The following AKR1C8 variants were observed in gnomAD, a reference collection of about 807,000 sequenced individuals.
AKR1C8 encodes the protein aldo-keto reductase family 1 member C-like protein 1.
At chr10:5,176,631 G>C in the AKR1C8 span, among the ~76,000 whole-genome samples, 12 of 152,024 alleles carry the variant, frequency 7.9e-5, no homozygotes, top group East Asian at 1.7e-3. Context: ...TCTTCCATTT[G>C]TTTGTATCCT....
the AKR1C8 span, among the ~76,000 whole-genome samples, chr10:5,148,205 AGT>A: frequency 6.6e-6 from 1 of 152,088 alleles, no homozygotes; most frequent in Non-Finnish European, 1.5e-5. Flanking sequence ...AATGCTCAGT[AGT>A]ATAGGAGATA....
chr10:5,175,920 C>T, the AKR1C8 span, among the ~76,000 whole-genome samples: 66 of 152,134 alleles, frequency 4.3e-4, no homozygotes, highest in East Asian at 2.5e-3. Flanking sequence ...TCTCCCATTT[C>T]GTAGGTTGCC....
chr10:5,181,541 G>A, the AKR1C8 span, among the ~76,000 whole-genome samples: 1 of 151,986 alleles, frequency 6.6e-6, no homozygotes, highest in African/African-American at 2.4e-5. Flanking sequence ...TACTACAGAA[G>A]GCCCCTAAAA....
At chr10:5,173,313 G>A in the AKR1C8 span, among the ~76,000 whole-genome samples, 14 of 151,964 alleles carry the variant, frequency 9.2e-5, no homozygotes, top group Admixed American at 8.5e-4. Flanking sequence ...ATGGAGAAAG[G>A]GACATGAATG....
the AKR1C8 span, among the ~76,000 whole-genome samples, chr10:5,176,618 T>C: frequency 6.6e-6 from 1 of 151,994 alleles, no homozygotes; most frequent in South Asian, 2.1e-4. Flanking sequence ...GAGCATGGAA[T>C]GTTCTTCCAT....
chr10:5,145,393 A>G, the AKR1C8 span, among the ~76,000 whole-genome samples: 6 of 152,296 alleles, frequency 3.9e-5, no homozygotes, highest in South Asian at 2.1e-4. Flanking sequence ...AGAAACTACC[A>G]TCAGAGTGAA....
At chr10:5,179,673 C>CATTTA in the AKR1C8 span, among the ~76,000 whole-genome samples, 2 of 148,300 alleles carry the variant, frequency 1.3e-5, no homozygotes, top group Non-Finnish European at 3.0e-5. Flanking sequence ...AGGCTTTGTT[C>CATTTA]TTTTTATTCT....
At chr10:5,151,346 G>C in the AKR1C8 span, among the ~76,000 whole-genome samples, 6 of 152,094 alleles carry the variant, frequency 3.9e-5, no homozygotes, top group African/African-American at 1.4e-4. Flanking sequence ...TCCCCAGGCA[G>C]GAAAGGGTTT....
At chr10:5,153,796 G>T in the AKR1C8 span, among the ~76,000 whole-genome samples, 1 of 152,164 alleles carries the variant, frequency 6.6e-6, no homozygotes, top group Non-Finnish European at 1.5e-5. Flanking sequence ...CAATACTGGA[G>T]ATTATCATTG....
the AKR1C8 span, among the ~76,000 whole-genome samples, chr10:5,168,775 C>T: frequency 2.6e-5 from 4 of 152,044 alleles, no homozygotes; most frequent in Non-Finnish European, 5.9e-5. Flanking sequence ...TTCCCAATAA[C>T]AAGAGAGCCA....
At chr10:5,120,467 A>T in the AKR1C8 span, among the ~76,000 whole-genome samples, 1 of 152,090 alleles carries the variant, frequency 6.6e-6, no homozygotes, top group East Asian at 1.9e-4. Flanking sequence ...TAATAGTAGT[A>T]TTATTTGTTT....
chr10:5,160,473 C>A, the AKR1C8 span, among the ~76,000 whole-genome samples: 3 of 152,178 alleles, frequency 2.0e-5, no homozygotes, highest in African/African-American at 7.2e-5. Flanking sequence ...CAGTCCGCAG[C>A]TGTCCCTCCT....
the AKR1C8 span, chr10:5,123,670 C>T: frequency 6.5e-7 from 1 of 1,547,240 alleles, no homozygotes; most frequent in Non-Finnish European, 8.8e-7. Flanking sequence ...AATACTTCAT[C>T]AAAATGGCAT....
At chr10:5,117,839 A>G in the AKR1C8 span, among the ~76,000 whole-genome samples, 1 of 152,178 alleles carries the variant, frequency 6.6e-6, no homozygotes, top group South Asian at 2.1e-4. Flanking sequence ...GCCAGAATTC[A>G]CTTGTTACTG....
the AKR1C8 span, among the ~76,000 whole-genome samples, chr10:5,164,807 G>A: frequency 2.0e-5 from 3 of 152,160 alleles, no homozygotes; most frequent in African/African-American, 7.2e-5. Context: ...ACATCTCAGT[G>A]TTATCTGAAG....
At chr10:5,119,619 G>T in the AKR1C8 span, among the ~76,000 whole-genome samples, 2 of 151,916 alleles carry the variant, frequency 1.3e-5, no homozygotes, top group Non-Finnish European at 2.9e-5. Flanking sequence ...TCAAATCTTT[G>T]TTATTTCATA....
the AKR1C8 span, chr10:5,161,814 A>C: frequency 3.7e-6 from 2 of 534,660 alleles, no homozygotes; most frequent in Non-Finnish European, 7.7e-6. Flanking sequence ...TATAACCATG[A>C]TGAAACAGTC....
chr10:5,142,516 A>C, the AKR1C8 span, among the ~76,000 whole-genome samples: 4 of 152,154 alleles, frequency 2.6e-5, no homozygotes, highest in Non-Finnish European at 2.9e-5. Flanking sequence ...AATGAAAAAT[A>C]CGTTATTCTT....
At chr10:5,139,697 C>T in the AKR1C8 span, among the ~76,000 whole-genome samples, 4 of 151,944 alleles carry the variant, frequency 2.6e-5, no homozygotes, top group South Asian at 2.1e-4. Flanking sequence ...CCATAAATAC[C>T]GTAGAAGAAA....
Sources: gnomAD v4.1 joint callset for allele counts (sites outside exome capture counted in the v4.1 genomes callset) on GRCh38, gnomAD v4.1.1 for gene constraint, MANE v1.5 for transcripts, NCBI Gene and HGNC (gene_info 2026-07-23, HGNC 2026-07-21) for gene names.